Variants in LARP1 observed in about 807,000 individuals in gnomAD.
LARP1 encodes the protein la-related protein 1.
A neutral mutation model predicts 122.7 loss-of-function variants in LARP1; 36 were observed. That is an observed-to-expected ratio of 0.29 (90% CI 0.22 to 0.39). The LOEUF (loss-of-function observed/expected upper bound fraction) is 0.39. Among genes scored for constraint, LARP1 ranks in the 10% least tolerant of loss-of-function variants. The pLI, the probability that LARP1 is intolerant of heterozygous loss-of-function variation, is 1.00. For synonymous variants in LARP1, 539 were observed against 528.7 expected, an observed-to-expected ratio of 1.02 and a Z score of -0.27; for missense variants, 1,040 against 1,403.6, an observed-to-expected ratio of 0.74 and a Z score of 4.14.
chr5:154,710,158 G>A (rs113246783), upstream of LARP1, among the ~76,000 whole-genome samples: 251 of 152,226 alleles, frequency 1.6e-3, 1 homozygote, highest in African/African-American at 5.4e-3. Context: ...CCTGCTGTGG[G>A]GCCCAGTTTC....
Position 154,756,171 on chromosome 5 carries a change from C to T in LARP1, c.414C>T (p.Thr138=), listed in dbSNP as rs780678400. The stretch of plus-strand genomic sequence containing the variant: ...ACGCATTGCCGCCGGTCCTGACCAC[C>T]GTGAACGGACAGTCCCCCCCAGGTG... The part of the protein sequence containing the change: ...TKNALPPVLT[T]VNGQSPPEHS... Residue 138 remains threonine (T), a synonymous_variant, in exon 1 of 19, where the codon ACC becomes ACT. Transcript: ENST00000518297. 1.7e-5 allele frequency: 22 copies of T among 1,312,994 alleles called. No individual in the cohort carries two copies. Among genetic ancestry groups the T allele is most frequent in the Admixed American group, 2.2e-5 (1 of 45,814 alleles). 81.3% of individuals were successfully genotyped at this position (1,312,994 alleles called of 1,614,324 possible). A position where few individuals can be genotyped will look rare whatever the true frequency, so the allele number is the denominator to read the frequency against.
intron 1 of LARP1, among the ~76,000 whole-genome samples, chr5:154,728,024 C>T (rs894407502): frequency 2.0e-5 from 3 of 152,106 alleles, no homozygotes; most frequent in South Asian, 2.1e-4. Flanking sequence ...GCTGAGATCA[C>T]GCCACTGCAC....
At chr5:154,756,385 C>G in intron 1 of LARP1, 192 bp downstream of exon 1, 1 of 991,434 alleles carries the variant, frequency 1.0e-6, no homozygotes, top group Non-Finnish European at 1.2e-6. Context: ...CCTGCCCCTG[C>G]CCGAGGGCCC....
chr5:154,798,393 A>G (rs1344147913), intron 8 of LARP1, among the ~76,000 whole-genome samples: 2 of 152,250 alleles, frequency 1.3e-5, no homozygotes, highest in Non-Finnish European at 2.9e-5. Context: ...TTAACTTAAT[A>G]TATCTGGGAG....
chr5:154,812,253 T>C (rs542218297), intron 18 of LARP1, among the ~76,000 whole-genome samples: 1 of 152,304 alleles, frequency 6.6e-6, no homozygotes, highest in African/African-American at 2.4e-5. Context: ...TCAAACCTTT[T>C]AGCAAAAAGG....
chr5:154,712,092 A>G (rs1755247729), upstream of LARP1, among the ~76,000 whole-genome samples: 1 of 152,208 alleles, frequency 6.6e-6, no homozygotes, highest in Admixed American at 6.5e-5. Context: ...TTGTTCATTG[A>G]TATGTCCCTA....
intron 8 of LARP1, among the ~76,000 whole-genome samples, chr5:154,796,758 CTT>C (rs1757891687): frequency 6.6e-6 from 1 of 152,146 alleles, no homozygotes; most frequent in Admixed American, 6.5e-5. Flanking sequence ...CAAGAAGTAA[CTT>C]TGCCTCATCA....
rs1434700365 is a variant in LARP1, at chr5:154,795,907, ATATT to A, written c.1377+593_1377+596del. 8.7e-4 allele frequency among the ~76,000 whole-genome samples: 107 copies of A among 123,226 alleles called. 1 individual carries two copies. The East Asian group carries it at 0.019, about 22-fold the overall frequency. 80.8% of individuals were successfully genotyped at this position (123,226 alleles called of 152,430 possible). On this transcript the variant is annotated intron_variant, in intron 8 of 18. Coordinates refer to ENST00000518297, the MANE Select transcript of LARP1 (RefSeq NM_033551.3). Reference sequence around the variant, plus strand: ...ACATTTATATATATTTATATATTATATATTTATTATATATTTATATTTATATATT... The same window carrying A: ...ACATTTATATATATTTATATATTATATATTATATATTTATATTTATATATT...
intron 1 of LARP1, among the ~76,000 whole-genome samples, chr5:154,735,467 C>A (rs1428963430): frequency 6.6e-6 from 1 of 151,842 alleles, no homozygotes; most frequent in Non-Finnish European, 1.5e-5. Flanking sequence ...AAAAAAGAGA[C>A]CCTGCTTTCA....
chr5:154,806,867 G>A (rs1168374401), intron 15 of LARP1, among the ~76,000 whole-genome samples: 2 of 152,114 alleles, frequency 1.3e-5, no homozygotes, highest in Non-Finnish European at 2.9e-5. Context: ...ATAGCTCTAA[G>A]TGTACTCATA....
chr5:154,792,612 C>T lies in LARP1; in HGVS notation c.565-10C>T, dbSNP rs1198765382. 3 of 1,612,964 alleles carry T rather than the reference C, an allele frequency of 1.9e-6. No individual in the cohort carries two copies. The African/African-American group carries it at 4.0e-5, about 22-fold the overall frequency. ...CACTCACCTCACTGTTACTTTACTT[C>T]CTGCTATAGCCACAGTCCCACAAGC... On this transcript the variant is annotated splice_polypyrimidine_tract_variant and intron_variant, in intron 3 of 18. Transcript: ENST00000518297.
chr5:154,755,324 C>T (rs1203589638), upstream of LARP1, among the ~76,000 whole-genome samples: 1 of 149,392 alleles, frequency 6.7e-6, no homozygotes, highest in African/African-American at 2.4e-5. Context: ...GCCCGCCCGC[C>T]GCCTGCCGCG....
chr5:154,700,309 C>T (rs1582158977), intron 1 of LARP1, among the ~76,000 whole-genome samples: 1 of 152,194 alleles, frequency 6.6e-6, no homozygotes. Flanking sequence ...ATTATTCACC[C>T]TGCCTTTATT....
rs560761527 is a variant in LARP1, at chr5:154,809,150, T to A, written c.2843+547T>A. On this transcript the variant is annotated intron_variant, in intron 16 of 18. Coordinates refer to ENST00000518297, the MANE Select transcript of LARP1 (RefSeq NM_033551.3). ...TAGTGGATACTTAGGTTGTTTCCAATATTTTGCTATTAAAAAAACCTTGAG... is the reference window on the plus strand; with the variant it reads ...TAGTGGATACTTAGGTTGTTTCCAAAATTTTGCTATTAAAAAAACCTTGAG... 2.9e-4 allele frequency among the ~76,000 whole-genome samples: 44 copies of A among 152,150 alleles called. 1 individual carries two copies. The highest frequency in any genetic ancestry group is 1.0e-3 in the African/African-American group (42 of 41,498).
chr5:154,690,401 G>A (rs899670071), intron 1 of LARP1, among the ~76,000 whole-genome samples: 1 of 152,132 alleles, frequency 6.6e-6, no homozygotes, highest in South Asian at 2.1e-4. Context: ...TTTGTCGTGC[G>A]GCAAGCCCCT....
At position 154,756,062 on chromosome 5, in the gene LARP1, GC is replaced by G; in HGVS notation, c.306del (p.Gly103GlufsTer22). ...GEEGGGEPGA[G>X]GGAAGAAGAG... ...GAGGGCGGCGGCGAGCCAGGCGCTG[GC>G]GGAGGAGCTGCCGGAGCCGCGGGCG... is the stretch of plus-strand genomic sequence containing the variant. On this transcript the variant is annotated frameshift_variant, in exon 1 of 19. Transcript: ENST00000518297. LOFTEE classifies it high-confidence loss of function. The G allele has an allele frequency of 9.0e-7, 1 of 1,113,792 alleles. No individual in the cohort carries two copies. The highest frequency in any genetic ancestry group is 1.1e-6 in the Non-Finnish European group (1 of 901,828). 69.0% of individuals were successfully genotyped at this position (1,113,792 alleles called of 1,614,324 possible).
chr5:154,789,438 C>G (rs963824539), intron 1 of LARP1, among the ~76,000 whole-genome samples: 10 of 152,082 alleles, frequency 6.6e-5, no homozygotes, highest in Non-Finnish European at 1.3e-4. Flanking sequence ...CCAGGCTGGT[C>G]TCAAACTCCT....
chr5:154,733,272 G>A (rs976564444), intron 1 of LARP1, among the ~76,000 whole-genome samples: 2 of 152,228 alleles, frequency 1.3e-5, no homozygotes, highest in Non-Finnish European at 2.9e-5. Flanking sequence ...TTACGACACC[G>A]TGTTGGTCTA....
At chr5:154,715,915 T>C (rs1244434054) in intron 1 of LARP1, among the ~76,000 whole-genome samples, 1 of 152,142 alleles carries the variant, frequency 6.6e-6, no homozygotes, top group Non-Finnish European at 1.5e-5. Flanking sequence ...ACTATTCCCA[T>C]TTTACAGGAG....
Sources: allele counts gnomAD v4.1 joint callset (sites outside exome capture counted in the v4.1 genomes callset), GRCh38; gene constraint gnomAD v4.1.1; transcripts MANE v1.5; gene names NCBI Gene and HGNC (gene_info 2026-07-23, HGNC 2026-07-21).